The following IQCK variants were observed in gnomAD, a reference collection of about 807,000 sequenced individuals.
IQCK encodes the protein IQ domain-containing protein K.
A neutral mutation model predicts 28.1 loss-of-function variants in IQCK; 29 were observed. The observed-to-expected ratio is 1.03, with a 90% CI of 0.77 to 1.41. The LOEUF (loss-of-function observed/expected upper bound fraction) is 1.41, where lower values mean the gene tolerates loss of function less well. IQCK is among the 40% of genes most tolerant of loss of function. The pLI is 0.00. For missense variants in IQCK, 359 were observed against 314.7 expected, an observed-to-expected ratio of 1.14 and a Z score of -1.07; for synonymous variants, 113 against 115.1, an observed-to-expected ratio of 0.98 and a Z score of 0.12.
chr16:19,783,355 A>G (rs1025593695), intron 6 of IQCK, among the ~76,000 whole-genome samples: 2 of 152,150 alleles, frequency 1.3e-5, no homozygotes, highest in Non-Finnish European at 2.9e-5. Context: ...GGAGGAGGAC[A>G]TGACAAATGA....
chr16:19,853,636 CTCTT>C (rs2056514654), intron 9 of IQCK, among the ~76,000 whole-genome samples: 2 of 152,086 alleles, frequency 1.3e-5, no homozygotes, highest in African/African-American at 2.4e-5. Flanking sequence ...ATCTCTCTCT[CTCTT>C]TTTCTTTTTT....
intron 9 of IQCK, among the ~76,000 whole-genome samples, chr16:19,840,123 A>G (rs1231417895): frequency 6.6e-6 from 1 of 152,216 alleles, no homozygotes; most frequent in African/African-American, 2.4e-5. Flanking sequence ...TGGGAGGCCA[A>G]GGCTGGTGGA....
At chr16:19,853,163 T>C (rs995006062) in intron 9 of IQCK, among the ~76,000 whole-genome samples, 1 of 152,188 alleles carries the variant, frequency 6.6e-6, no homozygotes, top group African/African-American at 2.4e-5. Context: ...CTCAGTTCCA[T>C]TTGGTAACGC....
At chr16:19,818,682 C>T (rs772140662) in intron 7 of IQCK, among the ~76,000 whole-genome samples, 10 of 152,062 alleles carry the variant, frequency 6.6e-5, no homozygotes, top group Non-Finnish European at 1.2e-4. Flanking sequence ...TGTGAGCCAT[C>T]GTGCTCAGCC....
chr16:19,812,318 A>G (rs1681344581), intron 7 of IQCK, among the ~76,000 whole-genome samples: 1 of 152,280 alleles, frequency 6.6e-6, no homozygotes, highest in African/African-American at 2.4e-5. Context: ...TATTTATGTA[A>G]TACATATAGA....
intron 9 of IQCK, among the ~76,000 whole-genome samples, chr16:19,843,755 G>A (rs1250358130): frequency 1.3e-5 from 2 of 152,130 alleles, no homozygotes; most frequent in Non-Finnish European, 1.5e-5. Flanking sequence ...ACATGGGAGA[G>A]GGAGCTCTCT....
intron 4 of IQCK, among the ~76,000 whole-genome samples, chr16:19,747,207 T>A (rs1251729183): frequency 6.6e-6 from 1 of 152,216 alleles, no homozygotes; most frequent in African/African-American, 2.4e-5. Context: ...TGGCCTTGGC[T>A]GGGTTCATTC....
chr16:19,822,079 AAAAAC>A (rs1474221944), intron 7 of IQCK, among the ~76,000 whole-genome samples: 7 of 145,176 alleles, frequency 4.8e-5, no homozygotes, highest in African/African-American at 1.9e-4. Flanking sequence ...AAAAAAAAAA[AAAAAC>A]AAAAAAAAAA....
At chr16:19,856,409 C>A in intron 9 of IQCK, 78 bp from the exon 9 acceptor site, 1 of 1,219,194 alleles carries the variant, frequency 8.2e-7, no homozygotes, top group Non-Finnish European at 1.2e-6. Context: ...GTCCACACAT[C>A]AGAGTTTCCG....
At chr16:19,750,112 A>G (rs2054965662) in intron 4 of IQCK, among the ~76,000 whole-genome samples, 1 of 152,108 alleles carries the variant, frequency 6.6e-6, no homozygotes, top group African/African-American at 2.4e-5. Flanking sequence ...TAATTGCTTC[A>G]GATAAGGGAG....
chr16:19,765,956 A>G (rs960415339), intron 6 of IQCK: 5 of 152,226 alleles, frequency 3.3e-5, no homozygotes, highest in Non-Finnish European at 5.9e-5. Context: ...AGCTTTATTT[A>G]TTATACAAAT....
At chr16:19,836,389 T>G (rs2056297606) in intron 9 of IQCK, among the ~76,000 whole-genome samples, 1 of 152,250 alleles carries the variant, frequency 6.6e-6, no homozygotes, top group South Asian at 2.1e-4. Flanking sequence ...ATTTAAAATT[T>G]GCAAAAGTCT....
chr16:19,748,872 A>G (rs775146871), intron 4 of IQCK, among the ~76,000 whole-genome samples: 2 of 152,248 alleles, frequency 1.3e-5, no homozygotes, highest in African/African-American at 4.8e-5. Flanking sequence ...AGCAACTGCT[A>G]GAATCACATC....
chr16:19,761,384 C>G (rs1034513157), intron 4 of IQCK: 1 of 455,704 alleles, frequency 2.2e-6, no homozygotes, highest in Non-Finnish European at 4.4e-6. Context: ...GGTACAGGAG[C>G]CTGGTTTATG....
intron 9 of IQCK, among the ~76,000 whole-genome samples, chr16:19,833,136 C>T (rs1330449622): frequency 6.6e-6 from 1 of 152,144 alleles, no homozygotes; most frequent in Non-Finnish European, 1.5e-5. Flanking sequence ...TGCTCTCTTA[C>T]CAATTTTTAA....
chr16:19,846,947 T>C (rs1227227253), intron 9 of IQCK, among the ~76,000 whole-genome samples: 1 of 152,174 alleles, frequency 6.6e-6, no homozygotes, highest in African/African-American at 2.4e-5. Flanking sequence ...CAATTCTTAC[T>C]CCAAGGTGGT....
chr16:19,729,738 G>A (rs570124288), intron 1 of IQCK, among the ~76,000 whole-genome samples: 2,222 of 151,544 alleles, frequency 0.015, 49 homozygotes, highest in African/African-American at 0.05. Flanking sequence ...TCCGCCTCCC[G>A]GGTTCACGCC....
At chr16:19,855,766 A>G (rs2056551617) in intron 9 of IQCK, among the ~76,000 whole-genome samples, 1 of 152,204 alleles carries the variant, frequency 6.6e-6, no homozygotes, top group Non-Finnish European at 1.5e-5. Flanking sequence ...ACAAATCATC[A>G]GAACCTGTGG....
intron 4 of IQCK, among the ~76,000 whole-genome samples, 194 bp from the exon 5 acceptor site, chr16:19,763,654 A>G (rs1422688129): frequency 2.0e-5 from 3 of 152,042 alleles, no homozygotes; most frequent in African/African-American, 7.2e-5. Flanking sequence ...TGTTGGCCAG[A>G]CTGGTCTCGA....
Sources: allele counts gnomAD v4.1 joint callset (sites outside exome capture counted in the v4.1 genomes callset), GRCh38; gene constraint gnomAD v4.1.1; transcripts MANE v1.5; gene names NCBI Gene and HGNC (gene_info 2026-07-23, HGNC 2026-07-21).